The following ZNF609 variants were observed in gnomAD, a reference collection of about 807,000 sequenced individuals.
ZNF609 encodes the protein zinc finger protein 609.
Under a neutral mutation model 109.5 loss-of-function variants are expected in ZNF609, and 11 were observed. The ratio of observed to expected loss-of-function variants is 0.10; its 90% CI spans 0.06 to 0.17. The LOEUF (loss-of-function observed/expected upper bound fraction) is 0.17. ZNF609 is among the 10% of genes least tolerant of loss of function. The pLI, the probability that ZNF609 is intolerant of heterozygous loss-of-function variation, is 1.00. For synonymous variants in ZNF609, 646 were observed against 662.0 expected (o/e 0.98, Z 0.37); for missense variants, 1,559 against 1,772.4 (o/e 0.88, Z 2.16).
At chr15:64,649,102 G>A (rs185697105) in intron 3 of ZNF609, among the ~76,000 whole-genome samples, 1 of 151,966 alleles carries the variant, frequency 6.6e-6, no homozygotes, top group African/African-American at 2.4e-5. Flanking sequence ...TAAGCCCAAT[G>A]AAGTCAAATA....
At chr15:64,537,324 C>G (rs1016369650) in intron 2 of ZNF609, among the ~76,000 whole-genome samples, 2 of 150,750 alleles carry the variant, frequency 1.3e-5, no homozygotes, top group African/African-American at 4.9e-5. Context: ...ATGGAGAAAC[C>G]CCATCTCTAC....
chr15:64,592,954 G>C, intron 2 of ZNF609: 1 of 918,548 alleles, frequency 1.1e-6, no homozygotes, highest in East Asian at 2.4e-5. Flanking sequence ...TAATGTTTTT[G>C]CTCTCTCCGG....
intron 2 of ZNF609, among the ~76,000 whole-genome samples, chr15:64,551,243 A>G (rs900629195): frequency 3.9e-5 from 6 of 152,084 alleles, no homozygotes; most frequent in African/African-American, 1.4e-4. Context: ...AATTTTTGTT[A>G]TGGTATAAGG....
intron 1 of ZNF609, among the ~76,000 whole-genome samples, chr15:64,480,072 A>C (rs1893230546): frequency 6.6e-6 from 1 of 151,138 alleles, no homozygotes; most frequent in African/African-American, 2.4e-5. Context: ...CCCCGTCTCT[A>C]CTAAAAATAC....
At chr15:64,681,509 G>C in intron 9 of ZNF609, 122 bp downstream of exon 9, 1 of 792,568 alleles carries the variant, frequency 1.3e-6, no homozygotes, top group South Asian at 1.6e-5. Flanking sequence ...ATGGAACCCT[G>C]GCCAAGCCTC....
intron 2 of ZNF609, among the ~76,000 whole-genome samples, chr15:64,598,784 A>C (rs888129475): frequency 3.7e-4 from 43 of 116,940 alleles, no homozygotes; most frequent in African/African-American, 1.1e-3. Flanking sequence ...ATATATATAT[A>C]TATCCTGTTA....
intron 2 of ZNF609, among the ~76,000 whole-genome samples, chr15:64,537,332 T>A (rs2140377002): frequency 6.6e-6 from 1 of 150,964 alleles, no homozygotes; most frequent in Non-Finnish European, 1.5e-5. Flanking sequence ...ACCCCATCTC[T>A]ACTAAAAATA....
At chr15:64,530,368 C>T (rs1175170153) in intron 2 of ZNF609, among the ~76,000 whole-genome samples, 1 of 152,160 alleles carries the variant, frequency 6.6e-6, no homozygotes, top group East Asian at 1.9e-4. Context: ...CTCTGGGCCT[C>T]AGTTTCCTTT....
intron 1 of ZNF609, among the ~76,000 whole-genome samples, chr15:64,480,543 CAAAA>C (rs1005034805): frequency 2.0e-5 from 3 of 149,692 alleles, no homozygotes; most frequent in Non-Finnish European, 3.0e-5. Context: ...AAAAAAAAAA[CAAAA>C]AAAGTGTTAC....
chr15:64,501,783 T>C (rs1185588054), intron 2 of ZNF609: 2 of 152,240 alleles, frequency 1.3e-5, no homozygotes, highest in Admixed American at 6.5e-5. Context: ...AGAGTACTTA[T>C]GTTGCAACCT....
chr15:64,485,931 A>T (rs1189747155), intron 1 of ZNF609, among the ~76,000 whole-genome samples: 1 of 152,056 alleles, frequency 6.6e-6, no homozygotes. Context: ...AGACCTCCCC[A>T]TTTTACTCAT....
At chr15:64,667,938 T>C (rs1425644485) in intron 3 of ZNF609, among the ~76,000 whole-genome samples, 1 of 152,086 alleles carries the variant, frequency 6.6e-6, no homozygotes, top group African/African-American at 2.4e-5. Flanking sequence ...ATAAGTTAAT[T>C]GTTGAGTGGA....
chr15:64,476,742 C>T (rs1290967457), intron 1 of ZNF609, among the ~76,000 whole-genome samples: 1 of 152,232 alleles, frequency 6.6e-6, no homozygotes, highest in Non-Finnish European at 1.5e-5. Context: ...ACCTTCTAAC[C>T]CAGTTCCCTG....
intron 2 of ZNF609, among the ~76,000 whole-genome samples, chr15:64,600,201 A>G (rs570808354): frequency 5.9e-5 from 9 of 151,862 alleles, no homozygotes; most frequent in African/African-American, 2.2e-4. Flanking sequence ...CTATAATCCC[A>G]GCACTTTGGG....
intron 1 of ZNF609, among the ~76,000 whole-genome samples, chr15:64,483,413 T>G (rs1272614324): frequency 2.0e-5 from 3 of 151,060 alleles, no homozygotes; most frequent in African/African-American, 7.3e-5. Context: ...TTGAGGCAAG[T>G]TCTTACCCTG....
intron 3 of ZNF609, among the ~76,000 whole-genome samples, chr15:64,630,216 C>A (rs1042033215): frequency 6.6e-6 from 1 of 150,988 alleles, no homozygotes; most frequent in Non-Finnish European, 1.5e-5. Flanking sequence ...GGATTACAGG[C>A]GCCCACCACC....
intron 2 of ZNF609, among the ~76,000 whole-genome samples, chr15:64,601,363 A>G (rs1895495350): frequency 6.6e-6 from 1 of 152,158 alleles, no homozygotes; most frequent in Non-Finnish European, 1.5e-5. Flanking sequence ...TTAAATCCCC[A>G]TCTTACAGAT....
chr15:64,578,232 A>G (rs1316565481), intron 2 of ZNF609, among the ~76,000 whole-genome samples: 2 of 151,732 alleles, frequency 1.3e-5, no homozygotes, highest in Non-Finnish European at 2.9e-5. Context: ...GCGCCCAGCC[A>G]AGGTTTTTTT....
intron 2 of ZNF609, among the ~76,000 whole-genome samples, chr15:64,557,002 T>C (rs1894599734): frequency 6.6e-6 from 1 of 152,182 alleles, no homozygotes; most frequent in South Asian, 2.1e-4. Flanking sequence ...GCTCATTTAG[T>C]AATAACAAGT....
Sources: allele counts gnomAD v4.1 joint callset (sites outside exome capture counted in the v4.1 genomes callset), GRCh38; gene constraint gnomAD v4.1.1; transcripts MANE v1.5; gene names NCBI Gene and HGNC (gene_info 2026-07-23, HGNC 2026-07-21).